The following PREX1 variants were observed in gnomAD, a reference collection of about 807,000 sequenced individuals.
The protein encoded by PREX1 is phosphatidylinositol-3,4,5-trisphosphate dependent Rac exchange factor 1.
Under a neutral mutation model 198.3 loss-of-function variants are expected in PREX1, and 41 were observed. The ratio of observed to expected loss-of-function variants is 0.21; its 90% CI spans 0.16 to 0.27. The LOEUF (loss-of-function observed/expected upper bound fraction) is 0.27. PREX1 is among the 10% of genes least tolerant of loss of function. The probability of loss-of-function intolerance (pLI) is 1.00; values close to 1 mark genes in which losing one functional copy is unlikely to be tolerated. For synonymous variants in PREX1, 843 were observed against 887.2 expected, an observed-to-expected ratio of 0.95 and a Z score of 0.89; for missense variants, 1,620 against 2,200.7, an observed-to-expected ratio of 0.74 and a Z score of 5.28.
the PREX1 span, among the ~76,000 whole-genome samples, chr20:48,872,339 C>A: frequency 6.6e-6 from 1 of 151,978 alleles, no homozygotes; most frequent in Non-Finnish European, 1.5e-5. Context: ...AAAGCAATTC[C>A]TTTCTATATT....
the PREX1 span, among the ~76,000 whole-genome samples, chr20:48,848,729 T>C: frequency 2.0e-5 from 3 of 152,152 alleles, no homozygotes; most frequent in East Asian, 1.9e-4. Context: ...TTTATATGTA[T>C]AGATATATAA....
intron 5 of PREX1, among the ~76,000 whole-genome samples, chr20:48,711,542 G>C (rs2089930840): frequency 6.6e-6 from 1 of 152,020 alleles, no homozygotes. Flanking sequence ...TCCAAAGCAG[G>C]GGTCAAATGA....
At chr20:48,863,193 C>G in the PREX1 span, among the ~76,000 whole-genome samples, 2 of 152,046 alleles carry the variant, frequency 1.3e-5, no homozygotes, top group Non-Finnish European at 2.9e-5. Flanking sequence ...CAGAGAGTTC[C>G]CTTATACTCC....
intron 6 of PREX1, among the ~76,000 whole-genome samples, chr20:48,702,964 T>C (rs1319012035): frequency 6.6e-6 from 1 of 152,218 alleles, no homozygotes; most frequent in Non-Finnish European, 1.5e-5. Flanking sequence ...GAAGTGATGT[T>C]GTCCCTGCCT....
intron 6 of PREX1, among the ~76,000 whole-genome samples, chr20:48,704,456 T>C (rs1349922815): frequency 6.6e-6 from 1 of 152,214 alleles, no homozygotes; most frequent in Non-Finnish European, 1.5e-5. Context: ...GAGTGAGCAG[T>C]TGATCATCTC....
At chr20:48,630,998 A>C (rs1333867148) in intron 35 of PREX1, among the ~76,000 whole-genome samples, 1 of 150,880 alleles carries the variant, frequency 6.6e-6, no homozygotes, top group Non-Finnish European at 1.5e-5. Context: ...CCTCCTGAGC[A>C]CTCCTCCAAT....
At chr20:48,674,839 A>T (rs937503972) in intron 14 of PREX1, among the ~76,000 whole-genome samples, 2 of 152,178 alleles carry the variant, frequency 1.3e-5, no homozygotes, top group Non-Finnish European at 2.9e-5. Flanking sequence ...TGATGCATAG[A>T]TTTTCTAAGC....
At position 48,684,278 on chromosome 20, in the gene PREX1, C is replaced by T. The variant is rs752900475; in HGVS notation, c.1335-2943G>A. 6.6e-6 allele frequency among the ~76,000 whole-genome samples: 1 copy of T among 152,184 alleles called. No individual in the cohort carries two copies. Among genetic ancestry groups the T allele is most frequent in the Non-Finnish European group, 1.5e-5 (1 of 68,022 alleles). Reference sequence around the variant, plus strand: ...CCAAGGTACCACTTATGACCCAACACAAGAATCCCTTGTTCTTGCCTGATT... The same window carrying T: ...CCAAGGTACCACTTATGACCCAACATAAGAATCCCTTGTTCTTGCCTGATT... On this transcript the variant is annotated intron_variant, in intron 10 of 39. Coordinates refer to ENST00000371941, the MANE Select transcript of PREX1 (RefSeq NM_020820.4). This position sits in a 1 kb window ranked among gnomAD's most constrained non-coding sequence, Gnocchi z 4.2.
intron 3 of PREX1, among the ~76,000 whole-genome samples, chr20:48,740,046 T>G (rs1193409450): frequency 2.0e-5 from 3 of 152,172 alleles, no homozygotes; most frequent in Non-Finnish European, 4.4e-5. Context: ...TCTTCCCCCA[T>G]CTGATCAGTT....
In PREX1 at chr20:48,653,256, A is replaced by G. The variant is rs1185709569; in HGVS notation, c.2346+105T>C. The G allele has an allele frequency of 2.0e-6, 3 of 1,504,680 alleles. No homozygotes were observed. In the East Asian group the frequency reaches 6.9e-5, roughly 34 times the overall value. The allele number at this position is 1,504,680 out of a possible 1,614,324, so 93.2% of individuals were successfully genotyped here. A position where few individuals can be genotyped will look rare whatever the true frequency, so the allele number is the denominator to read the frequency against. ...GGGTCAGCAGCTCCACCCTACTCAC[A>G]ACCAGTGGTACATGCAGGCTTTTCT... On this transcript the variant is annotated intron_variant, in intron 20 of 39. Transcript: ENST00000371941.
intron 6 of PREX1, among the ~76,000 whole-genome samples, chr20:48,706,570 A>G (rs541241547): frequency 6.6e-6 from 1 of 152,194 alleles, no homozygotes; most frequent in Non-Finnish European, 1.5e-5. Context: ...CTCCCCACTA[A>G]CTACCCTGGC....
chr20:48,704,892 T>C (rs2089895686), intron 6 of PREX1, among the ~76,000 whole-genome samples: 1 of 152,242 alleles, frequency 6.6e-6, no homozygotes, highest in Non-Finnish European at 1.5e-5. Context: ...TTTCCTTTTT[T>C]ATCACTGTGA....
chr20:48,694,104 G>T (rs1349851253), intron 7 of PREX1, among the ~76,000 whole-genome samples: 2 of 151,944 alleles, frequency 1.3e-5, no homozygotes, highest in Admixed American at 1.3e-4. Flanking sequence ...TAGAGACAGG[G>T]TTTCACCATG....
intron 5 of PREX1, among the ~76,000 whole-genome samples, chr20:48,713,854 C>CAAAAAAA (rs2089948102): frequency 1.3e-5 from 1 of 75,054 alleles, no homozygotes. Context: ...TATCCCAGAA[C>CAAAAAAA]TATAAAAAAA....
the PREX1 span, among the ~76,000 whole-genome samples, chr20:48,874,429 G>A: frequency 1.3e-5 from 2 of 150,628 alleles, no homozygotes; most frequent in Non-Finnish European, 3.0e-5. Flanking sequence ...GTAGGGGGTG[G>A]GTGGTGTCGT....
At chr20:48,752,776 C>G (rs1005782789) in intron 1 of PREX1, among the ~76,000 whole-genome samples, 6 of 152,184 alleles carry the variant, frequency 3.9e-5, no homozygotes, top group Non-Finnish European at 8.8e-5. Flanking sequence ...GCTACTTGCC[C>G]TTGAATCAGT....
In PREX1 at chr20:48,745,297, CTT is replaced by C. The variant is rs2090102716; in HGVS notation, c.292-152_292-151del. ...GAACTGGTTTACCACTAATAGAAAT[CTT>C]TGTAATAACAGAAATATTACCAATA... is the stretch of plus-strand genomic sequence containing the variant. On this transcript the variant is annotated intron_variant, in intron 2 of 39. Coordinates refer to ENST00000371941, the MANE Select transcript of PREX1 (RefSeq NM_020820.4). The C allele has an allele frequency of 5.1e-6, 4 of 791,574 alleles. No homozygotes were observed. In the East Asian group the frequency reaches 1.0e-4, roughly 20 times the overall value. The allele number at this position is 791,574 out of a possible 1,614,324, so 49.0% of individuals were successfully genotyped here.
the PREX1 span, among the ~76,000 whole-genome samples, chr20:48,855,854 T>C: frequency 6.6e-6 from 1 of 152,156 alleles, no homozygotes; most frequent in Non-Finnish European, 1.5e-5. Flanking sequence ...TGAGCCAAGA[T>C]CATACCACTG....
At chr20:48,879,272 T>C in the PREX1 span, among the ~76,000 whole-genome samples, 1 of 152,232 alleles carries the variant, frequency 6.6e-6, no homozygotes, top group African/African-American at 2.4e-5. Context: ...TCATCTTCCA[T>C]ACACATATTT....
Sources: gnomAD v4.1 joint callset for allele counts (sites outside exome capture counted in the v4.1 genomes callset) on GRCh38, gnomAD v4.1.1 for gene constraint, Gnocchi (gnomAD v3.1) non-coding constraint, MANE v1.5 for transcripts, NCBI Gene and HGNC (gene_info 2026-07-23, HGNC 2026-07-21) for gene names.